The following FNDC7 variants were observed in gnomAD, a reference collection of about 807,000 sequenced individuals.
FNDC7 encodes the protein fibronectin type III domain-containing protein 7.
A neutral mutation model predicts 74.2 loss-of-function variants in FNDC7; 66 were observed. That is an observed-to-expected ratio of 0.89 (90% CI 0.73 to 1.09). FNDC7 has a LOEUF of 1.09. Among genes scored for constraint, FNDC7 ranks in the 50% least tolerant of loss-of-function variants. The pLI, the probability that FNDC7 is intolerant of heterozygous loss-of-function variation, is 0.00. For synonymous variants in FNDC7, 307 were observed against 330.2 expected (o/e 0.93, Z 0.76); for missense variants, 829 against 893.4 (o/e 0.93, Z 0.92).
At chr1:108,714,496 C>A (rs540187216) in intron 2 of FNDC7, among the ~76,000 whole-genome samples, 1 of 152,222 alleles carries the variant, frequency 6.6e-6, no homozygotes, top group South Asian at 2.1e-4. Flanking sequence ...GGCAACATAG[C>A]AACACCCCAC....
intron 2 of FNDC7, among the ~76,000 whole-genome samples, chr1:108,714,980 C>A (rs1660944249): frequency 6.6e-6 from 1 of 152,074 alleles, no homozygotes; most frequent in African/African-American, 2.4e-5. Context: ...CAGACCAAGC[C>A]CTCAGAACAG....
intron 1 of FNDC7, 56 bp downstream of exon 1, chr1:108,713,052 T>A: frequency 6.8e-7 from 1 of 1,474,408 alleles, no homozygotes; most frequent in Non-Finnish European, 9.2e-7. Context: ...GAAAGACACA[T>A]TATTTTTCTC....
In FNDC7 at chr1:108,730,690, C is replaced by A; in HGVS notation, c.1641C>A (p.Thr547=). ...CCATTTAAGTGCCATGCTGTCCAAC[C>A]GGTCTGACAGTAACTCAAATCACCC... The part of the protein sequence containing the change: ...VPLETVPCCP[T]GLTVTQITQS... Residue 547 remains threonine (T), a synonymous_variant, in exon 9 of 13, where the codon ACC becomes ACA. Transcript: ENST00000370017. 1 of 1,578,318 alleles carries A rather than the reference C, an allele frequency of 6.3e-7. No homozygotes were observed. The highest frequency in any genetic ancestry group is 2.3e-5 in the East Asian group (1 of 43,466).
At chr1:108,732,450 A>G (rs1661409434) in intron 9 of FNDC7, among the ~76,000 whole-genome samples, 1 of 152,084 alleles carries the variant, frequency 6.6e-6, no homozygotes, top group African/African-American at 2.4e-5. Context: ...GTGTCATACT[A>G]CTCATCTCGG....
At chr1:108,713,120 TG>T (rs1168645033) in intron 1 of FNDC7, 124 bp downstream of exon 1, 18 of 844,578 alleles carry the variant, frequency 2.1e-5, no homozygotes, top group South Asian at 1.8e-4. Context: ...TACTTTGGTT[TG>T]TACCGAGGTT....
rs865904425 is a variant in FNDC7, at chr1:108,727,961, C to A, written c.1265C>A (p.Thr422Asn). The change falls in exon 7 of 13, where the codon ACC becomes AAC. Residue 422 changes from threonine to asparagine, a missense_variant. Transcript: ENST00000370017. ...VECNDTTPAC[T>N]LSALECDTKY... is the part of the protein sequence containing the mutation. ...TGCAATGACACTACTCCTGCGTGCACCCTTTCGGCTCTAGAGTGTGACACC... is the reference window on the plus strand; with the variant it reads ...TGCAATGACACTACTCCTGCGTGCAACCTTTCGGCTCTAGAGTGTGACACC... The A allele has an allele frequency of 4.3e-6, 7 of 1,614,038 alleles. No individual in the cohort carries two copies. Among genetic ancestry groups the A allele is most frequent in the Middle Eastern group, 1.6e-4 (1 of 6,084 alleles).
intron 6 of FNDC7, among the ~76,000 whole-genome samples, chr1:108,726,949 T>G (rs1292779258): frequency 2.0e-5 from 3 of 152,082 alleles, no homozygotes; most frequent in African/African-American, 7.2e-5. Flanking sequence ...TGAATGGGAA[T>G]GTAGGTGGGG....
chr1:108,717,116 A>G (rs1015568500), intron 2 of FNDC7, among the ~76,000 whole-genome samples: 1 of 152,228 alleles, frequency 6.6e-6, no homozygotes, highest in African/African-American at 2.4e-5. Flanking sequence ...GTGATAGAGA[A>G]AGGGAGAATA....
chr1:108,733,641 ATTTC>A (rs1276148965), intron 10 of FNDC7, 109 bp downstream of exon 10: 15 of 1,043,200 alleles, frequency 1.4e-5, no homozygotes, highest in African/African-American at 1.8e-5. Context: ...AGGGTATAAA[ATTTC>A]TTTCTTTTTT....
At chr1:108,741,094 T>C (rs1322723749) in intron 11 of FNDC7, among the ~76,000 whole-genome samples, 1 of 152,234 alleles carries the variant, frequency 6.6e-6, no homozygotes, top group Non-Finnish European at 1.5e-5. Flanking sequence ...CCCAGCCTTC[T>C]TTGTTTCAAC....
chr1:108,737,953 C>T (rs1661553339), intron 11 of FNDC7, among the ~76,000 whole-genome samples: 1 of 152,190 alleles, frequency 6.6e-6, no homozygotes, highest in Admixed American at 6.5e-5. Context: ...AAAAGCTCTT[C>T]AGGTGATTCT....
chr1:108,739,564 C>T (rs912320474), intron 11 of FNDC7, among the ~76,000 whole-genome samples: 2 of 152,174 alleles, frequency 1.3e-5, no homozygotes, highest in African/African-American at 4.8e-5. Context: ...CCTACTAAAT[C>T]CCCAGGTGAT....
rs1570736922 is a variant in FNDC7, at chr1:108,737,415, T to C, written c.2141-80T>C. The C allele has an allele frequency of 1.2e-5, 16 of 1,321,526 alleles. No individual in the cohort carries two copies. The East Asian group carries it at 3.5e-4, about 29-fold the overall frequency. 81.9% of individuals were successfully genotyped at this position (1,321,526 alleles called of 1,614,324 possible). A position where few individuals can be genotyped will look rare whatever the true frequency, so the allele number is the denominator to read the frequency against. Reference sequence around the variant, plus strand: ...GTTTTTTGGTTTACTTTCCTTTTATTCTTTCTTAAGTTAAATCTTCACTAT... The same window carrying C: ...GTTTTTTGGTTTACTTTCCTTTTATCCTTTCTTAAGTTAAATCTTCACTAT... On this transcript the variant is annotated intron_variant, in intron 10 of 12. Coordinates refer to ENST00000370017, the MANE Select transcript of FNDC7 (RefSeq NM_001144937.3).
At chr1:108,734,823 A>G (rs1661475216) in intron 10 of FNDC7, 1 of 152,184 alleles carries the variant, frequency 6.6e-6, no homozygotes, top group Non-Finnish European at 1.5e-5. Flanking sequence ...TAACTGCATA[A>G]TATTTTATAA....
Position 108,718,972 on chromosome 1 carries a change from C to T in FNDC7, c.521C>T (p.Thr174Ile), listed in dbSNP as rs544534764. 3 of 1,551,980 alleles carry T rather than the reference C, an allele frequency of 1.9e-6. No homozygotes were observed. Among genetic ancestry groups the T allele is most frequent in the African/African-American group, 1.4e-5 (1 of 73,146 alleles). Residue 174 changes from threonine to isoleucine, a missense_variant, in exon 4 of 13, where the codon ACT (threonine) becomes ATT (isoleucine). Thr to Ile is a moderately conservative substitution (Grantham distance 89, BLOSUM62 -1). Coordinates refer to ENST00000370017, the MANE Select transcript of FNDC7 (RefSeq NM_001144937.3). ...SLTFTSLEAG[T>I]LYTIKAYAWN... Reference sequence around the variant, plus strand: ...ACATTCACCAGTTTAGAAGCCGGAACTCTCTACACCATAAAGGCCTATGCA... The same window carrying T: ...ACATTCACCAGTTTAGAAGCCGGAATTCTCTACACCATAAAGGCCTATGCA...
In FNDC7 at chr1:108,728,794, G is replaced by T. The variant is rs1661275653; in HGVS notation, c.1532G>T (p.Gly511Val). The T allele has an allele frequency of 1.9e-6, 3 of 1,614,148 alleles. No homozygotes were observed. Among genetic ancestry groups the T allele is most frequent in the Non-Finnish European group, 2.5e-6 (3 of 1,180,052 alleles). The change falls in exon 8 of 13, where the codon GGC becomes GTC. Residue 511 changes from glycine (G) to valine (V), a missense_variant. Transcript: ENST00000370017. ...SSTGESCTMR[G>V]LPCGSVFSVT... Reference sequence around the variant, plus strand: ...ACAGGAGAGTCCTGCACCATGCGGGGCTTGCCCTGTGGCTCAGTGTTCTCT... The same window carrying T: ...ACAGGAGAGTCCTGCACCATGCGGGTCTTGCCCTGTGGCTCAGTGTTCTCT...
chr1:108,716,420 G>C (rs894176744), intron 2 of FNDC7, among the ~76,000 whole-genome samples: 2 of 151,552 alleles, frequency 1.3e-5, no homozygotes, highest in Non-Finnish European at 2.9e-5. Flanking sequence ...CTGTAGGGGA[G>C]AGAGGGAGCG....
intron 4 of FNDC7, among the ~76,000 whole-genome samples, chr1:108,721,533 T>C (rs1661092274): frequency 6.6e-6 from 1 of 152,218 alleles, no homozygotes; most frequent in South Asian, 2.1e-4. Context: ...TGCTGGTCTC[T>C]GCTCACAGAC....
chr1:108,742,620 A>C lies in FNDC7; in HGVS notation c.*733A>C, dbSNP rs1661675801. On this transcript the variant is annotated 3_prime_UTR_variant, in exon 13 of 13. Transcript: ENST00000370017. ...GAGCCTCAAACTGTGGCCGACTGAC[A>C]TGCGTGCATCTTTTGGGGGAGGACC... 6.6e-6 allele frequency: 1 copy of C among 152,186 alleles called. No individual in the cohort carries two copies. The allele number at this position is 152,186 out of a possible 1,614,324, so 9.4% of individuals were successfully genotyped here. A position where few individuals can be genotyped will look rare whatever the true frequency, so the allele number is the denominator to read the frequency against.
Sources: allele counts gnomAD v4.1 joint callset (sites outside exome capture counted in the v4.1 genomes callset), GRCh38; gene constraint gnomAD v4.1.1; transcripts MANE v1.5; gene names NCBI Gene and HGNC (gene_info 2026-07-23, HGNC 2026-07-21).